LRRIQ1: variants seen among roughly 807,000 people sequenced by gnomAD.
The protein encoded by LRRIQ1 is leucine rich repeats and IQ motif containing 1, also known as leucine-rich repeat- and IQ domain-containing protein 1.
In LRRIQ1, 210 loss-of-function variants were observed where a neutral mutation model predicts 211.9. The observed-to-expected ratio is 0.99, with a 90% CI of 0.89 to 1.11. The LOEUF is 1.11. LRRIQ1 is among the 50% of genes most tolerant of loss of function. The pLI is 0.00. For missense variants in LRRIQ1, 2,136 were observed against 1,939.5 expected, an observed-to-expected ratio of 1.10 and a Z score of -1.90; for synonymous variants, 699 against 650.1, an observed-to-expected ratio of 1.08 and a Z score of -1.14.
chr12:85,210,391 A>C (rs1286919229), intron 24 of LRRIQ1, among the ~76,000 whole-genome samples: 1 of 152,240 alleles, frequency 6.6e-6, no homozygotes, highest in Non-Finnish European at 1.5e-5. Flanking sequence ...ACGCTGCAAA[A>C]GGATGATAAA....
chr12:85,066,575 C>T (rs1454993099), intron 9 of LRRIQ1, among the ~76,000 whole-genome samples, 173 bp from the exon 10 acceptor site: 2 of 151,294 alleles, frequency 1.3e-5, no homozygotes, highest in African/African-American at 4.8e-5. Context: ...TATTAGTTTA[C>T]CTAATATTTT....
At chr12:85,096,381 A>G (rs1190576590) in intron 11 of LRRIQ1, among the ~76,000 whole-genome samples, 1 of 152,080 alleles carries the variant, frequency 6.6e-6, no homozygotes, top group African/African-American at 2.4e-5. Flanking sequence ...CATTTGTTTC[A>G]AATAATTTGT....
At chr12:85,146,286 G>C (rs938946494) in intron 19 of LRRIQ1, among the ~76,000 whole-genome samples, 2 of 151,730 alleles carry the variant, frequency 1.3e-5, no homozygotes, top group African/African-American at 4.8e-5. Context: ...CACCTTCTAG[G>C]TGGTAATTGT....
intron 24 of LRRIQ1, among the ~76,000 whole-genome samples, chr12:85,191,421 A>C (rs1456686399): frequency 6.6e-6 from 1 of 151,946 alleles, no homozygotes; most frequent in Non-Finnish European, 1.5e-5. Context: ...CATGTGGTAT[A>C]TAGCCTTTTC....
chr12:85,142,277 TTGCCC>T (rs1239902427), intron 19 of LRRIQ1, among the ~76,000 whole-genome samples: 1 of 151,470 alleles, frequency 6.6e-6, no homozygotes, highest in East Asian at 1.9e-4. Context: ...ATTTTCTTTA[TTGCCC>T]TGCTTGGAGT....
At chr12:85,236,257 C>G (rs2137225048) in intron 26 of LRRIQ1, among the ~76,000 whole-genome samples, 1 of 152,162 alleles carries the variant, frequency 6.6e-6, no homozygotes, top group South Asian at 2.1e-4. Context: ...GCAAAAATAT[C>G]AGTTGACTCT....
chr12:85,120,189 G>T (rs1887873078), intron 15 of LRRIQ1, among the ~76,000 whole-genome samples: 1 of 152,010 alleles, frequency 6.6e-6, no homozygotes, highest in Admixed American at 6.6e-5. Flanking sequence ...TTAGGTCTTT[G>T]ATTCCTTCTG....
chr12:85,097,542 A>C (rs1885994701), intron 11 of LRRIQ1, among the ~76,000 whole-genome samples: 1 of 152,002 alleles, frequency 6.6e-6, no homozygotes, highest in African/African-American at 2.4e-5. Flanking sequence ...GTTTGCTCAG[A>C]ATGATGGTTT....
intron 10 of LRRIQ1, among the ~76,000 whole-genome samples, chr12:85,069,132 A>C (rs1882786446): frequency 1.2e-5 from 1 of 85,668 alleles, no homozygotes; most frequent in Non-Finnish European, 2.1e-5. Flanking sequence ...GATGTTCCCC[A>C]CCCTGTGTCC....
chr12:85,083,827 C>T (rs566081434), intron 11 of LRRIQ1, among the ~76,000 whole-genome samples: 1 of 152,270 alleles, frequency 6.6e-6, no homozygotes, highest in African/African-American at 2.4e-5. Flanking sequence ...ATTGTGTCAT[C>T]CAGATACAGC....
chr12:85,211,143 A>G (rs1439189597), intron 24 of LRRIQ1, among the ~76,000 whole-genome samples: 1 of 152,216 alleles, frequency 6.6e-6, no homozygotes, highest in African/African-American at 2.4e-5. Context: ...AAACTATGCC[A>G]TGCTCACATC....
chr12:85,085,082 A>G (rs1884680717), intron 11 of LRRIQ1, among the ~76,000 whole-genome samples: 1 of 152,208 alleles, frequency 6.6e-6, no homozygotes. Context: ...TAATTTACTA[A>G]GATGAGACAT....
rs529105661 is a variant in LRRIQ1 at position 85,046,694 on chromosome 12, C to T, written c.455-553C>T. The stretch of plus-strand genomic sequence containing the variant: ...TATACATCATGCTGCTATAAAGACA[C>T]ATCCACACATATGTTTATTGCGGCA... On this transcript the variant is annotated intron_variant, in intron 5 of 26. Transcript: ENST00000393217. Among the ~76,000 whole-genome samples, 7 of 152,308 alleles carry T rather than the reference C, an allele frequency of 4.6e-5. No individual in the cohort carries two copies. The East Asian group carries it at 1.4e-3, about 29-fold the overall frequency.
chr12:85,057,121 C>T lies in LRRIQ1; in HGVS notation c.2328C>T (p.Asn776=). The change falls in exon 8 of 27, where the codon AAC becomes AAT. Residue 776 remains asparagine, a synonymous_variant. Coordinates refer to ENST00000393217, the MANE Select transcript of LRRIQ1 (RefSeq NM_001079910.2). ...RRKRPVKCPA[N]MTPALDKLEI... is the part of the protein sequence containing the mutation. ...AGAGACCTGTGAAATGCCCAGCCAA[C>T]ATGACACCCGCTTTGGATAAACTGG... is the stretch of plus-strand genomic sequence containing the variant. 6.3e-7 allele frequency: 1 copy of T among 1,597,404 alleles called. No homozygotes were observed. Among genetic ancestry groups the T allele is most frequent in the Admixed American group, 1.8e-5 (1 of 56,108 alleles).
downstream of LRRIQ1, among the ~76,000 whole-genome samples, chr12:85,249,177 G>C (rs1895826639): frequency 6.6e-6 from 1 of 151,656 alleles, no homozygotes; most frequent in Non-Finnish European, 1.5e-5. Context: ...AGATTGCTAG[G>C]AGTTCATGCC....
chr12:85,248,424 C>A (rs990073679), downstream of LRRIQ1, among the ~76,000 whole-genome samples: 2 of 151,544 alleles, frequency 1.3e-5, no homozygotes, highest in Admixed American at 1.3e-4. Flanking sequence ...AATTTTTAAT[C>A]ATTAAATTAT....
At chr12:85,051,602 T>G (rs111406937) in intron 6 of LRRIQ1, among the ~76,000 whole-genome samples, 1 of 152,180 alleles carries the variant, frequency 6.6e-6, no homozygotes, top group Non-Finnish European at 1.5e-5. Flanking sequence ...CCATTATTAT[T>G]TTTTATATTT....
In LRRIQ1 at chr12:85,217,712, G is replaced by A. The variant is rs12300137; in HGVS notation, c.4823-11805G>A. The stretch of plus-strand genomic sequence containing the variant: ...TGTGTATATATGTATATATGTGTGT[G>A]TATATATGTATATATGTGTATATAT... On this transcript the variant is annotated intron_variant, in intron 24 of 26. Transcript: ENST00000393217. Among the ~76,000 whole-genome samples the A allele has an allele frequency of 5.1e-4, 53 of 103,808 alleles. No homozygotes were observed. The African/African-American group carries it at 5.8e-3, about 11-fold the overall frequency. 68.1% of individuals were successfully genotyped at this position (103,808 alleles called of 152,430 possible).
In LRRIQ1 at chr12:85,078,577, GT is replaced by G. The variant is rs1426679413; in HGVS notation, c.2887+5484del. Among the ~76,000 whole-genome samples the G allele has an allele frequency of 6.6e-5, 10 of 151,962 alleles. 1 individual carries two copies. Among genetic ancestry groups the G allele is most frequent in the Non-Finnish European group, 8.8e-5 (6 of 67,984 alleles). Reference sequence around the variant, plus strand: ...TCTTATATATTTTTTTACTTTAAATGTTTTTGAGGGCATGCTATTTGGTGCC... The same window carrying G: ...TCTTATATATTTTTTTACTTTAAATGTTTTGAGGGCATGCTATTTGGTGCC... On this transcript the variant is annotated intron_variant, in intron 11 of 26. Coordinates refer to ENST00000393217, the MANE Select transcript of LRRIQ1 (RefSeq NM_001079910.2).
Sources: allele counts gnomAD v4.1 joint callset (sites outside exome capture counted in the v4.1 genomes callset), GRCh38; gene constraint gnomAD v4.1.1; transcripts MANE v1.5; gene names NCBI Gene and HGNC (gene_info 2026-07-23, HGNC 2026-07-21).